The following CUL5 variants were observed in gnomAD, a reference collection of about 807,000 sequenced individuals.
CUL5 encodes cullin-5.
In CUL5, 26 loss-of-function variants were observed where a neutral mutation model predicts 108.8. The ratio of observed to expected loss-of-function variants is 0.24; its 90% confidence interval spans 0.18 to 0.33. The LOEUF (loss-of-function observed/expected upper bound fraction) is 0.33, where lower values mean the gene tolerates loss of function less well. CUL5 is among the 10% of genes least tolerant of loss of function. The pLI, the probability that CUL5 is intolerant of heterozygous loss-of-function variation, is 1.00. For missense variants in CUL5, 524 were observed against 909.2 expected, an observed-to-expected ratio of 0.58 and a Z score of 5.45; for synonymous variants, 334 against 298.0, an observed-to-expected ratio of 1.12 and a Z score of -1.25.
At chr11:108,095,470 A>T in intron 15 of CUL5, 60 bp from the exon 16 acceptor site, 1 of 1,133,224 alleles carries the variant, frequency 8.8e-7, no homozygotes, top group African/African-American at 1.6e-5. Flanking sequence ...TTCATGTCAT[A>T]GATATTAAGA....
chr11:108,043,313 A>G (rs965882819), intron 2 of CUL5, among the ~76,000 whole-genome samples: 17 of 152,142 alleles, frequency 1.1e-4, no homozygotes, highest in African/African-American at 4.1e-4. Context: ...GCCTCAAATG[A>G]TCCTCCTGCC....
intron 11 of CUL5, among the ~76,000 whole-genome samples, chr11:108,079,653 G>GA (rs376308780): frequency 7.7e-4 from 117 of 152,214 alleles, no homozygotes; most frequent in African/African-American, 2.6e-3. Context: ...GTGTACATTT[G>GA]AGTCAGATTT....
At chr11:108,095,447 T>C (rs1342855529) in intron 15 of CUL5, 83 bp from the exon 16 acceptor site, 1 of 999,312 alleles carries the variant, frequency 1.0e-6, no homozygotes, top group East Asian at 2.7e-5. Flanking sequence ...CAGCAACCTT[T>C]TTCATATATA....
intron 1 of CUL5, among the ~76,000 whole-genome samples, chr11:108,010,443 A>G (rs1862034312): frequency 6.6e-6 from 1 of 152,228 alleles, no homozygotes. Context: ...CATAAAATGA[A>G]GAACAAATTT....
intron 1 of CUL5, among the ~76,000 whole-genome samples, chr11:108,018,815 C>A (rs1225548014): frequency 6.6e-6 from 1 of 152,136 alleles, no homozygotes; most frequent in Non-Finnish European, 1.5e-5. Flanking sequence ...AGTGTACTTG[C>A]AATGTAACAA....
chr11:108,054,258 A>C (rs1473166308), intron 5 of CUL5, among the ~76,000 whole-genome samples: 1 of 152,084 alleles, frequency 6.6e-6, no homozygotes, highest in Non-Finnish European at 1.5e-5. Flanking sequence ...CACTTAGACA[A>C]CCTAGTCATA....
At position 108,089,566 on chromosome 11, in the gene CUL5, T is replaced by G; in HGVS notation, c.1386T>G (p.Leu462=). Residue 462 remains leucine, a synonymous_variant, in exon 13 of 19, where the codon CTT becomes CTG. Coordinates refer to ENST00000393094, the MANE Select transcript of CUL5 (RefSeq NM_003478.6). The part of the protein sequence containing the change: ...RYHKAHLTRR[L]ILDISADSEI... ...ATAAAGCTCATTTGACACGACGTCT[T>G]ATATTAGACATCTCTGCCGATAGTG... 1.3e-6 allele frequency: 2 copies of G among 1,566,758 alleles called. No individual in the cohort carries two copies. Among genetic ancestry groups the G allele is most frequent in the Non-Finnish European group, 1.7e-6 (2 of 1,161,746 alleles).
intron 11 of CUL5, among the ~76,000 whole-genome samples, chr11:108,081,839 G>A (rs1480482354): frequency 1.3e-5 from 2 of 152,176 alleles, no homozygotes; most frequent in East Asian, 3.8e-4. Context: ...TCCTTATGCT[G>A]GTGCCACATC....
intron 1 of CUL5, among the ~76,000 whole-genome samples, chr11:108,017,541 C>T (rs11600706): frequency 4.6e-5 from 7 of 151,814 alleles, no homozygotes; most frequent in South Asian, 2.1e-4. Context: ...AGGGCGGTAG[C>T]GAAAACAACG....
At chr11:108,065,048 C>A (rs780093361) in intron 7 of CUL5, among the ~76,000 whole-genome samples, 1 of 151,514 alleles carries the variant, frequency 6.6e-6, no homozygotes, top group African/African-American at 2.4e-5. Flanking sequence ...TTTTTTGAGA[C>A]GGAGTCTTGC....
chr11:108,046,158 A>G lies in CUL5; in HGVS notation c.135-112A>G, dbSNP rs1002820936. ...GTTTATATGAGTGAATTCAGACACC[A>G]TTTACTTGGTTCTAATATGGCCCAT... On this transcript the variant is annotated intron_variant, in intron 2 of 18. Coordinates refer to ENST00000393094, the MANE Select transcript of CUL5 (RefSeq NM_003478.6). 1.6e-5 allele frequency: 10 copies of G among 620,852 alleles called. No homozygotes were observed. In the East Asian group the frequency reaches 2.6e-4, roughly 16 times the overall value. The allele number at this position is 620,852 out of a possible 1,614,324, so 38.5% of individuals were successfully genotyped here.
At chr11:108,102,100 C>G (rs1436283385) in intron 18 of CUL5, among the ~76,000 whole-genome samples, 1 of 152,110 alleles carries the variant, frequency 6.6e-6, no homozygotes, top group African/African-American at 2.4e-5. Context: ...TGGCTCACTA[C>G]AACCTCCACC....
intron 4 of CUL5, 29 bp downstream of exon 4, chr11:108,050,095 A>G (rs768974489): frequency 1.2e-5 from 18 of 1,524,598 alleles, no homozygotes; most frequent in Non-Finnish European, 1.6e-5. Context: ...TTGTTTTCCT[A>G]ATATTCTTCA....
chr11:108,103,426 C>A (rs1391306481), intron 18 of CUL5, among the ~76,000 whole-genome samples: 7 of 149,950 alleles, frequency 4.7e-5, no homozygotes, highest in African/African-American at 1.8e-4. Flanking sequence ...AAAAAAAAAA[C>A]CTTAAAAACA....
chr11:108,073,953 T>A (rs999709003), intron 10 of CUL5: 3 of 153,268 alleles, frequency 2.0e-5, no homozygotes, highest in African/African-American at 7.2e-5. Flanking sequence ...CAGGGAAGCA[T>A]TTGTATTGCA....
chr11:108,041,133 G>T (rs959749602), intron 2 of CUL5, among the ~76,000 whole-genome samples: 1 of 152,146 alleles, frequency 6.6e-6, no homozygotes, highest in Non-Finnish European at 1.5e-5. Flanking sequence ...TTAGAACTGT[G>T]CTGATTCTTA....
At chr11:108,081,236 C>T (rs868745853) in intron 11 of CUL5, among the ~76,000 whole-genome samples, 3 of 151,650 alleles carry the variant, frequency 2.0e-5, no homozygotes, top group South Asian at 2.1e-4. Context: ...CGCAGTGAGC[C>T]GAGATCGTGC....
intron 1 of CUL5, among the ~76,000 whole-genome samples, chr11:108,029,865 G>A (rs756509653): frequency 3.3e-5 from 5 of 152,026 alleles, no homozygotes; most frequent in Non-Finnish European, 7.4e-5. Context: ...GTCTACTCTG[G>A]TACTCTGCAC....
rs1040576510 is a variant in CUL5 at position 108,048,593 on chromosome 11, A to G, written c.235-1297A>G. Among the ~76,000 whole-genome samples, 3 of 150,856 alleles carry G rather than the reference A, an allele frequency of 2.0e-5. No individual in the cohort carries two copies. The South Asian group carries it at 6.3e-4, about 32-fold the overall frequency. On this transcript the variant is annotated intron_variant, in intron 3 of 18. Coordinates refer to ENST00000393094, the MANE Select transcript of CUL5 (RefSeq NM_003478.6). ...TACATCGGTGGCATTCTGTTGGTCA[A>G]AGTAAATCACAGGACCAGCCCAAAC...
Sources: gnomAD v4.1 joint callset for allele counts (sites outside exome capture counted in the v4.1 genomes callset) on GRCh38, gnomAD v4.1.1 for gene constraint, MANE v1.5 for transcripts, NCBI Gene and HGNC (gene_info 2026-07-23, HGNC 2026-07-21) for gene names.